The following PAK5 variants were observed in gnomAD, a reference collection of about 807,000 sequenced individuals.
PAK5 encodes p21 (RAC1) activated kinase 5, also known as serine/threonine-protein kinase PAK 5.
A neutral mutation model predicts 65.9 loss-of-function variants in PAK5; 16 were observed. That is an observed-to-expected ratio of 0.24 (90% CI 0.16 to 0.37). PAK5 has a LOEUF of 0.37. Ranked by LOEUF, PAK5 falls within the 10% of genes least tolerant of loss-of-function variation. The pLI, the probability that PAK5 is intolerant of heterozygous loss-of-function variation, is 1.00. For synonymous variants in PAK5, 371 were observed against 354.9 expected, an observed-to-expected ratio of 1.05 and a Z score of -0.51; for missense variants, 785 against 903.9, an observed-to-expected ratio of 0.87 and a Z score of 1.69.
At chr20:9,793,072 A>AT (rs1264455427) in intron 1 of PAK5, among the ~76,000 whole-genome samples, 4 of 151,998 alleles carry the variant, frequency 2.6e-5, no homozygotes, top group South Asian at 2.1e-4. Flanking sequence ...CCAGGATGCC[A>AT]TTTTTTTCCC....
chr20:9,593,704 C>G (rs993608700), intron 3 of PAK5, among the ~76,000 whole-genome samples: 2 of 152,108 alleles, frequency 1.3e-5, no homozygotes, highest in African/African-American at 2.4e-5. Flanking sequence ...CCTTTTGCAC[C>G]GCAGAAACGC....
intron 3 of PAK5, among the ~76,000 whole-genome samples, chr20:9,589,675 G>T (rs372463107): frequency 1.2e-4 from 19 of 152,028 alleles, no homozygotes; most frequent in African/African-American, 4.3e-4. Flanking sequence ...CTGTTTTTTT[G>T]TTTGTTTGTT....
intron 1 of PAK5, among the ~76,000 whole-genome samples, chr20:9,727,086 A>T (rs886539981): frequency 7.2e-5 from 11 of 152,140 alleles, no homozygotes; most frequent in African/African-American, 2.7e-4. Context: ...GGAATATCAA[A>T]CGTGTATACT....
intron 1 of PAK5, among the ~76,000 whole-genome samples, chr20:9,774,335 C>T (rs796634628): frequency 2.0e-5 from 3 of 152,280 alleles, no homozygotes; most frequent in African/African-American, 2.4e-5. Context: ...TGTGGATACT[C>T]GCTCACACCT....
At chr20:9,558,387 T>C (rs2045543798) in intron 6 of PAK5, among the ~76,000 whole-genome samples, 2 of 152,084 alleles carry the variant, frequency 1.3e-5, no homozygotes, top group Non-Finnish European at 2.9e-5. Flanking sequence ...AGTGCTGGGA[T>C]TACAGACAGG....
At chr20:9,589,727 A>G (rs2046133043) in intron 3 of PAK5, among the ~76,000 whole-genome samples, 1 of 151,832 alleles carries the variant, frequency 6.6e-6, no homozygotes, top group African/African-American at 2.4e-5. Context: ...CTGGAGTGCA[A>G]TGGTGTGATC....
intron 1 of PAK5, chr20:9,818,539 C>G (rs533185078): frequency 3.9e-5 from 6 of 152,274 alleles, no homozygotes; most frequent in African/African-American, 1.4e-4. Context: ...TTGGTGGAGA[C>G]TGATAATCTG....
intron 3 of PAK5, among the ~76,000 whole-genome samples, chr20:9,639,672 A>G (rs1269560503): frequency 6.6e-6 from 1 of 152,252 alleles, no homozygotes; most frequent in African/African-American, 2.4e-5. Flanking sequence ...TTTTCATTTC[A>G]TATGGACTGA....
At chr20:9,813,669 T>G (rs1011060264) in intron 1 of PAK5, among the ~76,000 whole-genome samples, 1 of 152,072 alleles carries the variant, frequency 6.6e-6, no homozygotes, top group Admixed American at 6.6e-5. Context: ...ATAAGTGAAC[T>G]GCAACTACAC....
intron 1 of PAK5, among the ~76,000 whole-genome samples, chr20:9,769,256 C>T (rs1198720750): frequency 6.6e-6 from 1 of 152,184 alleles, no homozygotes; most frequent in African/African-American, 2.4e-5. Context: ...GACATATTTC[C>T]AGCTGTGTGG....
chr20:9,564,480 A>G (rs1034408821), intron 5 of PAK5, among the ~76,000 whole-genome samples: 6 of 152,238 alleles, frequency 3.9e-5, no homozygotes. Flanking sequence ...TAGCTACACT[A>G]GTAATAAAAG....
chr20:9,801,256 A>T (rs1345734153), intron 1 of PAK5, among the ~76,000 whole-genome samples: 1 of 152,094 alleles, frequency 6.6e-6, no homozygotes, highest in Non-Finnish European at 1.5e-5. Flanking sequence ...CTATCTACAA[A>T]TATTTACTAG....
chr20:9,802,686 GA>G (rs1402717541), intron 1 of PAK5, among the ~76,000 whole-genome samples: 1 of 151,528 alleles, frequency 6.6e-6, no homozygotes, highest in Admixed American at 6.6e-5. Context: ...ATAATCTCAG[GA>G]AGTAGAGAAA....
chr20:9,777,426 C>T (rs1477136544), intron 1 of PAK5, among the ~76,000 whole-genome samples: 1 of 152,304 alleles, frequency 6.6e-6, no homozygotes, highest in East Asian at 1.9e-4. Flanking sequence ...TGGTTTAATA[C>T]AGGGCAGTTC....
intron 1 of PAK5, among the ~76,000 whole-genome samples, chr20:9,750,614 A>T (rs561681891): frequency 3.9e-5 from 6 of 152,160 alleles, no homozygotes; most frequent in Non-Finnish European, 7.4e-5. Context: ...TGGAAGAATA[A>T]AGTAATTTAT....
At chr20:9,583,306 C>G (rs1229561708) in intron 3 of PAK5, among the ~76,000 whole-genome samples, 1 of 152,180 alleles carries the variant, frequency 6.6e-6, no homozygotes, top group African/African-American at 2.4e-5. Flanking sequence ...TCCTCTGCAA[C>G]AGTAAAAAAC....
At chr20:9,749,132 G>A (rs1350280116) in intron 1 of PAK5, among the ~76,000 whole-genome samples, 1 of 152,102 alleles carries the variant, frequency 6.6e-6, no homozygotes, top group African/African-American at 2.4e-5. Context: ...CCATAGCTGT[G>A]CACAAAAAAA....
chr20:9,706,020 T>C (rs1389876319), intron 2 of PAK5, among the ~76,000 whole-genome samples: 1 of 152,132 alleles, frequency 6.6e-6, no homozygotes, highest in Non-Finnish European at 1.5e-5. Context: ...AACTGTAGAA[T>C]AGAGCTGCTA....
At chr20:9,588,470 T>C (rs2046109288) in intron 3 of PAK5, among the ~76,000 whole-genome samples, 1 of 152,182 alleles carries the variant, frequency 6.6e-6, no homozygotes. Context: ...TAAATGTTTG[T>C]TAAAAACAAA....
Sources: gnomAD v4.1 joint callset for allele counts (sites outside exome capture counted in the v4.1 genomes callset) on GRCh38, gnomAD v4.1.1 for gene constraint, MANE v1.5 for transcripts, NCBI Gene and HGNC (gene_info 2026-07-23, HGNC 2026-07-21) for gene names.